MCM3: variants seen among roughly 807,000 people sequenced by gnomAD.
MCM3 encodes the protein minichromosome maintenance complex component 3, also known as DNA replication licensing factor MCM3.
In MCM3, 59 loss-of-function variants were observed where a neutral mutation model predicts 91.3. The ratio of observed to expected loss-of-function variants is 0.65; its 90% CI spans 0.52 to 0.80. MCM3 has a LOEUF of 0.80. Ranked by LOEUF, MCM3 falls within the 30% of genes least tolerant of loss-of-function variation. MCM3 has a pLI of 0.00. For synonymous variants in MCM3, 383 were observed against 379.6 expected, an observed-to-expected ratio of 1.01 and a Z score of -0.10; for missense variants, 919 against 1,035.4, an observed-to-expected ratio of 0.89 and a Z score of 1.54.
chr6:52,267,727 T>C (rs536682608), intron 14 of MCM3, 138 bp downstream of exon 14: 10 of 649,284 alleles, frequency 1.5e-5, no homozygotes, highest in Middle Eastern at 5.0e-4. Flanking sequence ...AGTTTTGCCA[T>C]ATTTCCCAGG....
chr6:52,265,190 A>G, intron 16 of MCM3: 1 of 349,128 alleles, frequency 2.9e-6, no homozygotes, highest in Non-Finnish European at 5.8e-6. Context: ...AACAACCCAA[A>G]TGTCTATCAT....
chr6:52,265,997 C>T (rs969711546), intron 16 of MCM3, 78 bp downstream of exon 16: 4 of 1,283,236 alleles, frequency 3.1e-6, no homozygotes, highest in Non-Finnish European at 4.5e-6. Flanking sequence ...TTGTTTCCCA[C>T]CCTCTCCAAG....
intron 10 of MCM3, 121 bp from the exon 11 acceptor site, chr6:52,273,477 T>C: frequency 3.1e-6 from 3 of 953,928 alleles, no homozygotes; most frequent in Non-Finnish European, 4.7e-6. Flanking sequence ...CCAAAAAGAA[T>C]CAGACACATG....
At chr6:52,278,655 T>C (rs998606388) in intron 6 of MCM3, 87 bp downstream of exon 6, 24 of 828,518 alleles carry the variant, frequency 2.9e-5, no homozygotes, top group Admixed American at 1.4e-4. Context: ...AACCCTTCCT[T>C]CTGATCTAGT....
At chr6:52,284,148 T>C (rs1271886764) in intron 1 of MCM3, among the ~76,000 whole-genome samples, 1 of 152,180 alleles carries the variant, frequency 6.6e-6, no homozygotes, top group African/African-American at 2.4e-5. Flanking sequence ...TAGTTGGTAT[T>C]GAAAAAGAAT....
At position 52,276,310 on chromosome 6, in the gene MCM3, G is replaced by C. The variant is rs567049688; in HGVS notation, c.1332C>G (p.Ala444=). 3.1e-6 allele frequency: 5 copies of C among 1,612,902 alleles called. No homozygotes were observed. In the African/African-American group the frequency reaches 5.3e-5, roughly 17 times the overall value. The change falls in exon 9 of 17, where the codon GCC becomes GCG. Residue 444 remains alanine, a synonymous_variant. Transcript: ENST00000596288. ...AKAGIHARLN[A]RCSVLAAANP... is the part of the protein sequence containing the mutation. ...TGGCAGCTGCCAAAACACTGCAGCG[G>C]GCATTCAGCCGAGCATGGATGCCAG...
In MCM3 at chr6:52,267,958, T is replaced by G. The variant is rs1297268532; in HGVS notation, c.1979A>C (p.Lys660Thr). ...ACTTCGCTTCTTACGTTTCTTCTCCTTCTCCAGAACCTAAGACCAAGGCAA... is the reference window on the plus strand; with the variant it reads ...ACTTCGCTTCTTACGTTTCTTCTCCGTCTCCAGAACCTAAGACCAAGGCAA... ...QYAYFKKVLE[K>T]EKKRKKRSED... is the part of the protein sequence containing the mutation. The change falls in exon 14 of 17, where the codon AAG becomes ACG. Residue 660 changes from lysine to threonine, a missense_variant. Coordinates refer to ENST00000596288, the MANE Select transcript of MCM3 (RefSeq NM_002388.6). 7 of 1,613,498 alleles carry G rather than the reference T, an allele frequency of 4.3e-6. No homozygotes were observed. Among genetic ancestry groups the G allele is most frequent in the Non-Finnish European group, 5.9e-6 (7 of 1,179,450 alleles).
chr6:52,265,421 A>G (rs1764568466), intron 16 of MCM3: 1 of 219,320 alleles, frequency 4.6e-6, no homozygotes, highest in Admixed American at 5.6e-5. Context: ...GTAAAAAAGT[A>G]AAAAATAAAC....
intron 14 of MCM3, among the ~76,000 whole-genome samples, chr6:52,267,663 G>C (rs1388937286): frequency 6.6e-6 from 1 of 151,706 alleles, no homozygotes; most frequent in Non-Finnish European, 1.5e-5. Context: ...GAGCAGCTGG[G>C]ACCACAAGTG....
intron 1 of MCM3, among the ~76,000 whole-genome samples, chr6:52,284,307 C>T (rs998347984): frequency 6.6e-6 from 1 of 152,248 alleles, no homozygotes; most frequent in Non-Finnish European, 1.5e-5. Flanking sequence ...ATGCAAAAGG[C>T]CGAGGTGGGC....
chr6:52,282,836 G>C lies in MCM3; in HGVS notation c.217C>G (p.Leu73Val), dbSNP rs762710836. ...TTTAAGGCCCGCTGGAAGGCAACCA[G>C]CTCCTCAAAGGCATTGTTCAGAAGC... is the stretch of plus-strand genomic sequence containing the variant. ...NRLLNNAFEE[L>V]VAFQRALKDF... The change falls in exon 3 of 17, where the codon CTG (leucine) becomes GTG (valine). Residue 73 changes from leucine (L) to valine (V), a missense_variant. Around this residue, in one of 3 missense-constraint regions of MCM3, gnomAD observed 401 missense variants for 402.7 expected, o/e 1.00. Transcript: ENST00000596288. The C allele has an allele frequency of 1.8e-5, 29 of 1,613,886 alleles. No individual in the cohort carries two copies. The Admixed American group carries it at 3.2e-4, about 18-fold the overall frequency.
At chr6:52,283,143 A>C in intron 2 of MCM3, 151 bp downstream of exon 2, 3 of 129,048 alleles carry the variant, frequency 2.3e-5, no homozygotes, top group Middle Eastern at 3.2e-3. Flanking sequence ...TTTTTGAAAA[A>C]AAAAAAAAAA....
intron 15 of MCM3, among the ~76,000 whole-genome samples, 194 bp downstream of exon 15, chr6:52,266,414 AAGG>A (rs1764645774): frequency 1.3e-5 from 2 of 152,176 alleles, no homozygotes; most frequent in East Asian, 3.8e-4. Flanking sequence ...ACAGTTCATC[AAGG>A]AGGTGTATAT....
rs1764472215 is a variant in MCM3, at chr6:52,264,365, G to A, written c.*223C>T. On this transcript the variant is annotated 3_prime_UTR_variant, in exon 17 of 17. Coordinates refer to ENST00000596288, the MANE Select transcript of MCM3 (RefSeq NM_002388.6). ...TTGCAATGAAGATGCAATAGTCATT[G>A]TCCTCTCCCACTGTCTCCTCTTTCC... 1 of 541,110 alleles carries A rather than the reference G, an allele frequency of 1.8e-6. No homozygotes were observed. The highest frequency in any genetic ancestry group is 1.9e-5 in the African/African-American group (1 of 52,798). The allele number at this position is 541,110 out of a possible 1,614,324, so 33.5% of individuals were successfully genotyped here. A position where few individuals can be genotyped will look rare whatever the true frequency, so the allele number is the denominator to read the frequency against.
chr6:52,282,849 A>G lies in MCM3; in HGVS notation c.204T>C (p.Asn68=). 6.2e-7 allele frequency: 1 copy of G among 1,614,018 alleles called. No homozygotes were observed. The highest frequency in any genetic ancestry group is 2.2e-5 in the East Asian group (1 of 44,884). The change falls in exon 3 of 17, where the codon AAT becomes AAC. Residue 68 remains asparagine (N), a synonymous_variant. Transcript: ENST00000596288. ...NEKRANRLLN[N]AFEELVAFQR... is the part of the protein sequence containing the mutation. ...GGAAGGCAACCAGCTCCTCAAAGGCATTGTTCAGAAGCCTGTACATAAGCA... is the reference window on the plus strand; with the variant it reads ...GGAAGGCAACCAGCTCCTCAAAGGCGTTGTTCAGAAGCCTGTACATAAGCA...
At position 52,266,297 on chromosome 6, in the gene MCM3, T is replaced by C. The variant is rs9367476; in HGVS notation, c.2159-153A>G. On this transcript the variant is annotated intron_variant, in intron 15 of 16. Transcript: ENST00000596288. The stretch of plus-strand genomic sequence containing the variant: ...GTTCTTATGGGGCCAGGCAGAACAA[T>C]TAGGATATAGGGAAATCTTCATTGG... Among the ~76,000 whole-genome samples the C allele has an allele frequency of 1.1e-3, 165 of 152,164 alleles. 4 individuals are homozygous for C. The East Asian group carries it at 0.02, about 19-fold the overall frequency.
rs781756081 is a variant in MCM3, at chr6:52,283,348, C to A, written c.137G>T (p.Arg46Leu). ...CAGGTCATTCACATTGACAATCAGC[C>A]GGTATTGGTTGTCACTGATCAGCTC... is the stretch of plus-strand genomic sequence containing the variant. ...VRELISDNQY[R>L]LIVNVNDLRR... Residue 46 changes from arginine (R) to leucine (L), a missense_variant, in exon 2 of 17, where the codon CGG becomes CTG. By Grantham distance (102) the Arg-to-Leu change is moderately radical. Transcript: ENST00000596288. 6.2e-7 allele frequency: 1 copy of A among 1,614,166 alleles called. No individual in the cohort carries two copies. The highest frequency in any genetic ancestry group is 1.1e-5 in the South Asian group (1 of 91,068).
chr6:52,266,537 AAGTGCAC>A, intron 15 of MCM3, 67 bp downstream of exon 15: 1 of 1,343,758 alleles, frequency 7.4e-7, no homozygotes, highest in Non-Finnish European at 1.1e-6. Context: ...CAAGAAAATA[AAGTGCAC>A]AGAGCAACTG....
Position 52,267,400 on chromosome 6 carries a change from C to G in MCM3, c.2072+465G>C, listed in dbSNP as rs112905833. Among the ~76,000 whole-genome samples, 1,146 of 151,576 alleles carry G rather than the reference C, an allele frequency of 7.6e-3. 9 individuals are homozygous for G. The highest frequency in any genetic ancestry group is 0.027 in the African/African-American group (1,097 of 41,328). ...CGTGAGCCACCGCGCCCAGCCTACC[C>G]AGGTTATCTTCATCCTCAAACCCCG... On this transcript the variant is annotated intron_variant, in intron 14 of 16. Coordinates refer to ENST00000596288, the MANE Select transcript of MCM3 (RefSeq NM_002388.6).
Sources: allele counts gnomAD v4.1 joint callset (sites outside exome capture counted in the v4.1 genomes callset), GRCh38; gene constraint gnomAD v4.1.1; regional missense constraint gnomAD v4.1.1; transcripts MANE v1.5; gene names NCBI Gene and HGNC (gene_info 2026-07-23, HGNC 2026-07-21).